Variants in CEP128 observed in about 807,000 individuals in gnomAD.
CEP128 encodes centrosomal protein 128kDa.
Under a neutral mutation model 156.7 loss-of-function variants are expected in CEP128, and 132 were observed. The ratio of observed to expected loss-of-function variants is 0.84; its 90% CI spans 0.73 to 0.97. The LOEUF is 0.97. Ranked by LOEUF, CEP128 falls within the 50% of genes least tolerant of loss-of-function variation. The probability of loss-of-function intolerance (pLI) is 0.00; values close to 1 mark genes in which losing one functional copy is unlikely to be tolerated. For synonymous variants in CEP128, 469 were observed against 448.9 expected, an observed-to-expected ratio of 1.04 and a Z score of -0.57; for missense variants, 1,252 against 1,281.9, an observed-to-expected ratio of 0.98 and a Z score of 0.36.
At chr14:80,567,920 C>T (rs1890983379) in intron 20 of CEP128, among the ~76,000 whole-genome samples, 1 of 151,572 alleles carries the variant, frequency 6.6e-6, no homozygotes, top group African/African-American at 2.4e-5. Context: ...AACCAGCACA[C>T]CATATATTTT....
At chr14:80,533,749 C>T (rs1033222024) in intron 21 of CEP128, among the ~76,000 whole-genome samples, 1 of 152,054 alleles carries the variant, frequency 6.6e-6, no homozygotes, top group African/African-American at 2.4e-5. Context: ...ATTTTATATT[C>T]CATTTATGCA....
intron 9 of CEP128, among the ~76,000 whole-genome samples, chr14:80,856,080 T>C (rs1313279338): frequency 1.3e-5 from 2 of 152,172 alleles, no homozygotes; most frequent in African/African-American, 4.8e-5. Context: ...ATTACTTTAA[T>C]TTTTCTTCAT....
chr14:80,477,172 G>C (rs1886960700), exon 15 of CEP128: 1 of 151,844 alleles, frequency 6.6e-6, no homozygotes, highest in Non-Finnish European at 1.5e-5. Context: ...CAGAAAACTA[G>C]GACCTAAAAT....
chr14:80,593,838 GA>G (rs1892195336), intron 19 of CEP128, among the ~76,000 whole-genome samples: 1 of 152,096 alleles, frequency 6.6e-6, no homozygotes, highest in African/African-American at 2.4e-5. Flanking sequence ...CAAACAAATG[GA>G]AAAACATTCC....
chr14:80,857,749 A>G, intron 9 of CEP128, among the ~76,000 whole-genome samples: 1 of 149,216 alleles, frequency 6.7e-6, no homozygotes. Flanking sequence ...AAAAACAACA[A>G]CAACAACAAC....
chr14:80,922,563 G>A (rs1302120690), intron 2 of CEP128, among the ~76,000 whole-genome samples: 1 of 152,134 alleles, frequency 6.6e-6, no homozygotes, highest in South Asian at 2.1e-4. Flanking sequence ...CATCACTTAT[G>A]CATCAAAATC....
At chr14:80,844,780 T>A (rs1212287776) in intron 9 of CEP128, among the ~76,000 whole-genome samples, 1 of 152,100 alleles carries the variant, frequency 6.6e-6, no homozygotes, top group East Asian at 1.9e-4. Flanking sequence ...TCTTATAAGA[T>A]GTTTATTATT....
At chr14:80,573,902 T>C (rs1414417456) in intron 20 of CEP128, among the ~76,000 whole-genome samples, 1 of 152,194 alleles carries the variant, frequency 6.6e-6, no homozygotes, top group Non-Finnish European at 1.5e-5. Context: ...GTATTTTGTT[T>C]TGTTTATGCC....
chr14:80,499,186 C>T (rs903269885), intron 24 of CEP128, among the ~76,000 whole-genome samples: 12 of 152,160 alleles, frequency 7.9e-5, no homozygotes, highest in African/African-American at 2.9e-4. Context: ...TGGCATTTTA[C>T]TCTATAAGGC....
chr14:80,655,395 T>C (rs1390425357), intron 19 of CEP128, among the ~76,000 whole-genome samples: 1 of 152,250 alleles, frequency 6.6e-6, no homozygotes, highest in Admixed American at 6.5e-5. Flanking sequence ...CTTAGCTACA[T>C]GAATTCATAA....
chr14:80,673,700 G>A (rs1228550103), intron 19 of CEP128, among the ~76,000 whole-genome samples: 1 of 145,032 alleles, frequency 6.9e-6, no homozygotes, highest in Non-Finnish European at 1.5e-5. Flanking sequence ...TCTCACATTC[G>A]GAAACGTAAA....
chr14:80,596,053 G>GA lies in CEP128; in HGVS notation c.2807-15631dup, dbSNP rs55831009. The stretch of plus-strand genomic sequence containing the variant: ...GACAGAGCCAAACCATATCAGCAGG[G>GA]AAAAAAAAAAAAAAAAAAGAGGCAG... On this transcript the variant is annotated intron_variant, in intron 19 of 24. Coordinates refer to ENST00000555265, the MANE Select transcript of CEP128 (RefSeq NM_152446.5). Among the ~76,000 whole-genome samples, 330 of 109,048 alleles carry GA rather than the reference G, an allele frequency of 3.0e-3. 1 individual carries two copies. Among genetic ancestry groups the GA allele is most frequent in the Middle Eastern group, 0.01 (2 of 198 alleles). The allele number at this position is 109,048 out of a possible 152,430, so 71.5% of individuals were successfully genotyped here. A position where few individuals can be genotyped will look rare whatever the true frequency, so the allele number is the denominator to read the frequency against.
intron 19 of CEP128, among the ~76,000 whole-genome samples, chr14:80,642,559 T>G (rs1894462245): frequency 6.6e-6 from 1 of 151,992 alleles, no homozygotes; most frequent in Non-Finnish European, 1.5e-5. Context: ...GGTGCATGCT[T>G]GTGGTCCCAA....
At chr14:80,701,726 C>G (rs559472202) in intron 19 of CEP128, among the ~76,000 whole-genome samples, 1 of 152,118 alleles carries the variant, frequency 6.6e-6, no homozygotes, top group Non-Finnish European at 1.5e-5. Context: ...AAACATGGGA[C>G]TTCTATGTTT....
intron 14 of CEP128, among the ~76,000 whole-genome samples, chr14:80,483,532 G>A (rs527890441): frequency 1.3e-5 from 2 of 152,350 alleles, no homozygotes; most frequent in Non-Finnish European, 2.9e-5. Flanking sequence ...ACACGGCGAT[G>A]TGAATTTAAA....
intron 19 of CEP128, among the ~76,000 whole-genome samples, chr14:80,692,749 TACA>T (rs1315813136): frequency 6.6e-6 from 1 of 152,206 alleles, no homozygotes; most frequent in Non-Finnish European, 1.5e-5. Flanking sequence ...CTGCTACATT[TACA>T]ACATGATTCT....
At chr14:80,482,605 G>A (rs1594897710) in intron 14 of CEP128, among the ~76,000 whole-genome samples, 1 of 152,108 alleles carries the variant, frequency 6.6e-6, no homozygotes, top group East Asian at 1.9e-4. Flanking sequence ...TAATATGAGC[G>A]ACAAGACACA....
In CEP128 at chr14:80,742,963, G is replaced by A. The variant is rs577419912; in HGVS notation, c.2806+112C>T. The A allele has an allele frequency of 6.2e-5, 53 of 855,062 alleles. 2 individuals carry two copies. In the South Asian group the frequency reaches 8.3e-4, roughly 13 times the overall value. 53.0% of individuals were successfully genotyped at this position (855,062 alleles called of 1,614,324 possible). On this transcript the variant is annotated intron_variant, in intron 19 of 24. Coordinates refer to ENST00000555265, the MANE Select transcript of CEP128 (RefSeq NM_152446.5). ...GAAGACAAAGACAAGAAAAGGAGATGGGCTTGGAAATAGTCCAAAGGGGAT... is the reference window on the plus strand; with the variant it reads ...GAAGACAAAGACAAGAAAAGGAGATAGGCTTGGAAATAGTCCAAAGGGGAT...
chr14:80,900,381 C>A (rs1008299065), intron 6 of CEP128, among the ~76,000 whole-genome samples: 2 of 152,112 alleles, frequency 1.3e-5, no homozygotes, highest in Non-Finnish European at 2.9e-5. Flanking sequence ...GTAAAGGGCC[C>A]AATAGCGACT....
Sources: allele counts gnomAD v4.1 joint callset (sites outside exome capture counted in the v4.1 genomes callset), GRCh38; gene constraint gnomAD v4.1.1; transcripts MANE v1.5; gene names NCBI Gene and HGNC (gene_info 2026-07-23, HGNC 2026-07-21).